ACTR3: variants seen among roughly 807,000 people sequenced by gnomAD.
The protein encoded by ACTR3 is actin related protein 3.
A neutral mutation model predicts 56.8 loss-of-function variants in ACTR3; 12 were observed. The ratio of observed to expected loss-of-function variants is 0.21; its 90% CI spans 0.14 to 0.34. The LOEUF (loss-of-function observed/expected upper bound fraction) is 0.34. ACTR3 is among the 10% of genes least tolerant of loss of function. ACTR3 has a pLI of 1.00. For synonymous variants in ACTR3, 162 were observed against 167.4 expected (o/e 0.97, Z 0.25); for missense variants, 282 against 512.5 (o/e 0.55, Z 4.34).
intron 4 of ACTR3, 38 bp from the exon 5 acceptor site, chr2:113,931,263 C>A: frequency 8.3e-7 from 1 of 1,197,734 alleles, no homozygotes; most frequent in Non-Finnish European, 1.2e-6. Context: ...TCAAAATAAT[C>A]TGATATTATC....
chr2:113,893,998 G>C (rs11123216), intron 1 of ACTR3, among the ~76,000 whole-genome samples: 1 of 152,144 alleles, frequency 6.6e-6, no homozygotes, highest in African/African-American at 2.4e-5. Flanking sequence ...TTGAAGAGCA[G>C]TGGGGAAAAG....
chr2:113,918,334 C>G (rs530764795), intron 3 of ACTR3, among the ~76,000 whole-genome samples: 1 of 150,950 alleles, frequency 6.6e-6, no homozygotes, highest in African/African-American at 2.4e-5. Context: ...TTGATTTCTT[C>G]GTCTGTAAAA....
intron 6 of ACTR3, 34 bp downstream of exon 6, chr2:113,934,420 G>T: frequency 1.6e-6 from 2 of 1,281,826 alleles, no homozygotes; most frequent in South Asian, 1.4e-5. Flanking sequence ...AACAGAACAT[G>T]AAATAACACA....
At chr2:113,948,755 C>T (rs1322449498) in intron 8 of ACTR3, among the ~76,000 whole-genome samples, 1 of 152,070 alleles carries the variant, frequency 6.6e-6, no homozygotes, top group Non-Finnish European at 1.5e-5. Flanking sequence ...TCCAAACTCT[C>T]TTCAGTAGTT....
At chr2:113,903,296 G>A (rs1264288778) in intron 1 of ACTR3, among the ~76,000 whole-genome samples, 4 of 152,130 alleles carry the variant, frequency 2.6e-5, no homozygotes, top group Non-Finnish European at 5.9e-5. Flanking sequence ...CTGCTTGGGT[G>A]TTCTTGAGCC....
intron 1 of ACTR3, among the ~76,000 whole-genome samples, chr2:113,898,949 A>G (rs1158556020): frequency 6.6e-6 from 1 of 152,148 alleles, no homozygotes; most frequent in African/African-American, 2.4e-5. Flanking sequence ...CTCATTCCAG[A>G]GCTCACTGCT....
chr2:113,893,334 G>A (rs555712602), intron 1 of ACTR3, among the ~76,000 whole-genome samples: 11 of 151,896 alleles, frequency 7.2e-5, no homozygotes, highest in South Asian at 2.1e-4. Context: ...TTGCCCTGTC[G>A]CTGGGCTGGA....
At chr2:113,906,809 C>G (rs1399783336) in intron 1 of ACTR3, among the ~76,000 whole-genome samples, 1 of 152,084 alleles carries the variant, frequency 6.6e-6, no homozygotes, top group African/African-American at 2.4e-5. Flanking sequence ...GCTCCTGATT[C>G]TGTTAGTTCT....
Position 113,917,317 on chromosome 2 carries a change from TC to T in ACTR3, c.225+313del, listed in dbSNP as rs1679425065. 4.0e-5 allele frequency among the ~76,000 whole-genome samples: 6 copies of T among 148,712 alleles called. No individual in the cohort carries two copies. The South Asian group carries it at 1.3e-3, about 32-fold the overall frequency. ...CATTGCTACTTCTGCAAACTTTTTT[TC>T]CCCATCTTTATTCAAACTTACACCA... On this transcript the variant is annotated intron_variant, in intron 3 of 11. Coordinates refer to ENST00000263238, the MANE Select transcript of ACTR3 (RefSeq NM_005721.5).
intron 1 of ACTR3, among the ~76,000 whole-genome samples, chr2:113,895,913 C>G (rs1678998935): frequency 6.6e-6 from 1 of 152,086 alleles, no homozygotes; most frequent in Non-Finnish European, 1.5e-5. Flanking sequence ...AACTGGAGTT[C>G]AATGGCAAGA....
chr2:113,898,930 T>C (rs1041589783), intron 1 of ACTR3, among the ~76,000 whole-genome samples: 2 of 152,182 alleles, frequency 1.3e-5, no homozygotes, highest in Non-Finnish European at 2.9e-5. Context: ...ATTTTAGTCC[T>C]GGGGTAGTCT....
At chr2:113,918,660 T>C (rs1047834137) in intron 3 of ACTR3, among the ~76,000 whole-genome samples, 1 of 152,158 alleles carries the variant, frequency 6.6e-6, no homozygotes, top group Admixed American at 6.5e-5. Flanking sequence ...GCTGGGGTTA[T>C]AGATGTGAGT....
chr2:113,956,570 T>G (rs1011472721), intron 11 of ACTR3, among the ~76,000 whole-genome samples: 3 of 152,108 alleles, frequency 2.0e-5, no homozygotes, highest in African/African-American at 7.2e-5. Context: ...AGTATGATGT[T>G]TTACACTGAA....
chr2:113,924,829 G>A (rs1422840321), intron 3 of ACTR3, among the ~76,000 whole-genome samples: 2 of 151,932 alleles, frequency 1.3e-5, no homozygotes, highest in Non-Finnish European at 2.9e-5. Context: ...GCTTAGATAT[G>A]ACCTCCTCAG....
chr2:113,890,148 C>T lies in ACTR3; in HGVS notation c.-132C>T. 2.4e-6 allele frequency: 3 copies of T among 1,234,890 alleles called. No homozygotes were observed. The highest frequency in any genetic ancestry group is 2.7e-5 in the East Asian group (1 of 37,408). The allele number at this position is 1,234,890 out of a possible 1,614,324, so 76.5% of individuals were successfully genotyped here. On this transcript the variant is annotated 5_prime_UTR_variant, in exon 1 of 12. Transcript: ENST00000263238. ...GCTTTCTTGCTACTGCTTCGGCTTC[C>T]CGGCTACCCCCCGGACGGTGAAGGC...
In ACTR3 at chr2:113,890,341, C is replaced by A; in HGVS notation, c.44+18C>A. 1 of 152,992 alleles carries A rather than the reference C, an allele frequency of 6.5e-6. No individual in the cohort carries two copies. The highest frequency in any genetic ancestry group is 2.5e-4 in the Admixed American group (1 of 4,032). The allele number at this position is 152,992 out of a possible 1,614,324, so 9.5% of individuals were successfully genotyped here. A position where few individuals can be genotyped will look rare whatever the true frequency, so the allele number is the denominator to read the frequency against. Reference sequence around the variant, plus strand: ...GGCACGGGGTAAGGGGGCTTACGGGCGGGGGTGGGGAAACTGAGGCGGAGG... The same window carrying A: ...GGCACGGGGTAAGGGGGCTTACGGGAGGGGGTGGGGAAACTGAGGCGGAGG... On this transcript the variant is annotated intron_variant, in intron 1 of 11. Coordinates refer to ENST00000263238, the MANE Select transcript of ACTR3 (RefSeq NM_005721.5).
At chr2:113,936,253 A>G (rs2104614149) in intron 6 of ACTR3, among the ~76,000 whole-genome samples, 1 of 139,766 alleles carries the variant, frequency 7.2e-6, no homozygotes, top group South Asian at 2.4e-4. Context: ...TGATCTCACC[A>G]CTGCACTCTA....
intron 1 of ACTR3, among the ~76,000 whole-genome samples, chr2:113,900,036 T>G (rs1679071105): frequency 6.6e-6 from 1 of 151,938 alleles, no homozygotes; most frequent in African/African-American, 2.4e-5. Context: ...AAAAGGTAAA[T>G]TTATGCACTA....
At chr2:113,910,194 G>A (rs1469157268) in intron 1 of ACTR3, among the ~76,000 whole-genome samples, 2 of 152,106 alleles carry the variant, frequency 1.3e-5, no homozygotes, top group African/African-American at 2.4e-5. Context: ...TTGATCACCA[G>A]TGGCCAATGG....
Sources: allele counts gnomAD v4.1 joint callset (sites outside exome capture counted in the v4.1 genomes callset), GRCh38; gene constraint gnomAD v4.1.1; transcripts MANE v1.5; gene names NCBI Gene and HGNC (gene_info 2026-07-23, HGNC 2026-07-21).